DNAH6: variants seen among roughly 807,000 people sequenced by gnomAD.
DNAH6 encodes dynein axonemal heavy chain 6.
A neutral mutation model predicts 491.4 loss-of-function variants in DNAH6; 340 were observed. The observed-to-expected ratio is 0.69, with a 90% CI of 0.63 to 0.76. DNAH6 has a LOEUF of 0.76. Among genes scored for constraint, DNAH6 ranks in the 30% least tolerant of loss-of-function variants. The pLI is 0.00. For synonymous variants in DNAH6, 1,603 were observed against 1,686.1 expected (o/e 0.95, Z 1.21); for missense variants, 4,443 against 4,972.2 (o/e 0.89, Z 3.20).
intron 60 of DNAH6, among the ~76,000 whole-genome samples, chr2:84,726,250 A>G (rs1698617049): frequency 6.6e-6 from 1 of 152,136 alleles, no homozygotes; most frequent in Admixed American, 6.5e-5. Flanking sequence ...CTCACCATGA[A>G]CAATATATCT....
At chr2:84,658,185 T>A in intron 35 of DNAH6, 107 bp from the exon 36 acceptor site, 5 of 735,140 alleles carry the variant, frequency 6.8e-6, no homozygotes, top group Non-Finnish European at 1.0e-5. Context: ...GCCTTTGGTC[T>A]AAAGGTCACT....
chr2:84,649,892 A>C (rs1023410950), intron 33 of DNAH6, among the ~76,000 whole-genome samples: 9 of 152,152 alleles, frequency 5.9e-5, no homozygotes, highest in Non-Finnish European at 7.4e-5. Context: ...CCTATGTAAC[A>C]AACCTGCACA....
the DNAH6 span, among the ~76,000 whole-genome samples, chr2:84,511,251 C>A: frequency 6.6e-6 from 1 of 152,190 alleles, no homozygotes; most frequent in African/African-American, 2.4e-5. Flanking sequence ...GCTTTGTTTA[C>A]GTACTCAAGC....
rs113107789 is a variant in DNAH6, at chr2:84,769,363, C to T, written c.10703+6418C>T. 5.7e-3 allele frequency among the ~76,000 whole-genome samples: 867 copies of T among 152,330 alleles called. 8 individuals carry two copies. The highest frequency in any genetic ancestry group is 0.019 in the African/African-American group (810 of 41,576). ...GCATGGGCTGGAACCTGACACTTGGCGTGACAACACAAAAATAACAGTCTG... is the reference window on the plus strand; with the variant it reads ...GCATGGGCTGGAACCTGACACTTGGTGTGACAACACAAAAATAACAGTCTG... On this transcript the variant is annotated intron_variant, in intron 64 of 76. Coordinates refer to ENST00000389394, the MANE Select transcript of DNAH6 (RefSeq NM_001370.2).
chr2:84,782,685 A>C (rs1281847991), intron 65 of DNAH6, among the ~76,000 whole-genome samples: 1 of 152,182 alleles, frequency 6.6e-6, no homozygotes, highest in Non-Finnish European at 1.5e-5. Context: ...TTTTGCTGTC[A>C]AATAAGAGAG....
At chr2:84,581,201 A>G (rs1163220812) in intron 14 of DNAH6, among the ~76,000 whole-genome samples, 4 of 152,238 alleles carry the variant, frequency 2.6e-5, no homozygotes, top group African/African-American at 9.6e-5. Context: ...GTCAGCTGCT[A>G]TCACCTTGTG....
At chr2:84,559,522 G>A (rs897748494) in intron 11 of DNAH6, among the ~76,000 whole-genome samples, 3 of 152,110 alleles carry the variant, frequency 2.0e-5, no homozygotes, top group African/African-American at 7.2e-5. Flanking sequence ...ATTCCAGCCT[G>A]GGCAGCAGAG....
chr2:84,656,956 A>T (rs1026055738), intron 35 of DNAH6, among the ~76,000 whole-genome samples: 1 of 151,920 alleles, frequency 6.6e-6, no homozygotes, highest in Non-Finnish European at 1.5e-5. Context: ...TCTTCTAAAA[A>T]CTGTATATTT....
the DNAH6 span, among the ~76,000 whole-genome samples, chr2:84,504,131 A>G: frequency 6.6e-6 from 1 of 152,034 alleles, no homozygotes; most frequent in Non-Finnish European, 1.5e-5. Context: ...GTATTTTCAA[A>G]TACCCTGTCT....
intron 64 of DNAH6, among the ~76,000 whole-genome samples, chr2:84,769,322 C>A (rs1042875921): frequency 6.6e-6 from 1 of 152,250 alleles, no homozygotes; most frequent in Non-Finnish European, 1.5e-5. Flanking sequence ...CGTCCACCCA[C>A]TCCCCTCAGA....
At position 84,525,646 on chromosome 2, in the gene DNAH6, A is replaced by C; in HGVS notation, c.307A>C (p.Ile103Leu). ...QNRFQLMTAG[I>L]IKRPVSIAKK... The stretch of plus-strand genomic sequence containing the variant: ...CCGATTTCAGTTAATGACTGCAGGA[A>C]TCATTAAACGTCCAGTAAGCATAGC... The change falls in exon 3 of 77, where the codon ATC (isoleucine) becomes CTC (leucine). Residue 103 changes from isoleucine to leucine, a missense_variant. Around this residue, in one of 3 missense-constraint regions of DNAH6, gnomAD observed 2,977 missense variants for 3,296.6 expected, o/e 0.90. Coordinates refer to ENST00000389394, the MANE Select transcript of DNAH6 (RefSeq NM_001370.2). 6.4e-7 allele frequency: 1 copy of C among 1,550,606 alleles called. No homozygotes were observed. Among genetic ancestry groups the C allele is most frequent in the East Asian group, 2.4e-5 (1 of 40,838 alleles).
intron 29 of DNAH6, among the ~76,000 whole-genome samples, chr2:84,625,554 A>G (rs920478404): frequency 6.6e-6 from 1 of 152,192 alleles, no homozygotes; most frequent in Non-Finnish European, 1.5e-5. Context: ...GCTTTTGTTC[A>G]TATGGGTTAC....
rs1697747462 is a variant in DNAH6, at chr2:84,718,314, G to A, written c.9722G>A (p.Arg3241Lys). 1.3e-6 allele frequency: 2 copies of A among 1,551,410 alleles called. No individual in the cohort carries two copies. Among genetic ancestry groups the A allele is most frequent in the South Asian group, 2.4e-5 (2 of 83,978 alleles). Residue 3241 changes from arginine to lysine, a missense_variant, in exon 59 of 77, where the codon AGA becomes AAA. Arg to Lys is a conservative substitution (Grantham distance 26). Coordinates refer to ENST00000389394, the MANE Select transcript of DNAH6 (RefSeq NM_001370.2). Reference protein sequence around the residue: ...QLKTIEEKILRMLFTSEGNIL... With the variant: ...QLKTIEEKILKMLFTSEGNIL... ...AAAACTATCGAAGAGAAAATCCTGA[G>A]AATGCTCTTTACCTCTGAAGGAAAT...
At position 84,754,219 on chromosome 2, in the gene DNAH6, G is replaced by A. The variant is rs535541098; in HGVS notation, c.10513-8536G>A. Among the ~76,000 whole-genome samples, 23 of 148,834 alleles carry A rather than the reference G, an allele frequency of 1.5e-4. No individual in the cohort carries two copies. In the South Asian group the frequency reaches 3.0e-3, roughly 19 times the overall value. On this transcript the variant is annotated intron_variant, in intron 63 of 76. Transcript: ENST00000389394. ...TTTTTGACGGAGTTTTGCCCTTGTC[G>A]CCCAGGCTGGAGTGCAATGGCACGA...
chr2:84,637,181 G>A, intron 30 of DNAH6, 29 bp from the exon 31 acceptor site: 1 of 1,508,278 alleles, frequency 6.6e-7, no homozygotes, highest in South Asian at 1.3e-5. Flanking sequence ...GTCTGGAAGA[G>A]TGTTAACTTA....
chr2:84,584,581 ATC>A (rs1683352328), intron 15 of DNAH6: 1 of 223,030 alleles, frequency 4.5e-6, no homozygotes, highest in South Asian at 7.0e-5. Flanking sequence ...ATGTTTCAAA[ATC>A]TCTGTTTAAG....
chr2:84,630,755 G>A (rs1308340471), intron 29 of DNAH6, among the ~76,000 whole-genome samples: 2 of 152,208 alleles, frequency 1.3e-5, no homozygotes, highest in African/African-American at 2.4e-5. Context: ...TCTTTGGGTA[G>A]GTTAGCAGTA....
At chr2:84,564,821 G>A (rs527906307) in intron 11 of DNAH6, among the ~76,000 whole-genome samples, 2 of 152,198 alleles carry the variant, frequency 1.3e-5, no homozygotes, top group African/African-American at 4.8e-5. Flanking sequence ...TGTTGGCTGT[G>A]TGTTTGTCAT....
chr2:84,712,021 G>C (rs76873946), intron 56 of DNAH6, among the ~76,000 whole-genome samples: 12 of 152,284 alleles, frequency 7.9e-5, no homozygotes, highest in African/African-American at 2.9e-4. Flanking sequence ...GGGAGAGGGG[G>C]TGGGCCCTTG....
Sources: gnomAD v4.1 joint callset for allele counts (sites outside exome capture counted in the v4.1 genomes callset) on GRCh38, gnomAD v4.1.1 for gene constraint, gnomAD v4.1.1 regional missense constraint, MANE v1.5 for transcripts, NCBI Gene and HGNC (gene_info 2026-07-23, HGNC 2026-07-21) for gene names.